Variants in EPHA3 observed in about 807,000 individuals in gnomAD.
EPHA3 encodes the protein EPH receptor A3, also known as ephrin type-A receptor 3.
EPHA3 carries 42 observed loss-of-function variants against 107.1 expected under a neutral mutation model. The ratio of observed to expected loss-of-function variants is 0.39; its 90% CI spans 0.31 to 0.51. The LOEUF (loss-of-function observed/expected upper bound fraction) is 0.51. Ranked by LOEUF, EPHA3 falls within the 20% of genes least tolerant of loss-of-function variation. The pLI is 0.78. For synonymous variants in EPHA3, 461 were observed against 424.8 expected (o/e 1.09, Z -1.05); for missense variants, 1,183 against 1,211.2 (o/e 0.98, Z 0.35).
intron 5 of EPHA3, among the ~76,000 whole-genome samples, chr3:89,371,830 C>T (rs769722419): frequency 3.3e-5 from 5 of 151,432 alleles, no homozygotes; most frequent in Non-Finnish European, 7.4e-5. Flanking sequence ...TCTTTCATAT[C>T]CTAGTCAACA....
At chr3:89,292,306 C>T (rs1354826893) in intron 3 of EPHA3, among the ~76,000 whole-genome samples, 4 of 152,046 alleles carry the variant, frequency 2.6e-5, no homozygotes, top group Non-Finnish European at 5.9e-5. Flanking sequence ...CTACTATTTC[C>T]ATATCATTTA....
At chr3:89,175,502 A>G (rs1705302790) in intron 2 of EPHA3, among the ~76,000 whole-genome samples, 1 of 152,138 alleles carries the variant, frequency 6.6e-6, no homozygotes, top group Admixed American at 6.5e-5. Flanking sequence ...ATTGATAAAC[A>G]TATATATTTT....
intron 5 of EPHA3, among the ~76,000 whole-genome samples, chr3:89,370,105 C>T (rs1253353203): frequency 6.6e-6 from 1 of 150,696 alleles, no homozygotes; most frequent in Non-Finnish European, 1.5e-5. Flanking sequence ...GTGGCGATTC[C>T]TCAGGGATCT....
chr3:89,110,559 G>A (rs748252321), intron 1 of EPHA3, among the ~76,000 whole-genome samples: 1 of 151,868 alleles, frequency 6.6e-6, no homozygotes, highest in Non-Finnish European at 1.5e-5. Context: ...TAATTCCAAT[G>A]ATCACTTGAC....
chr3:89,253,468 C>T (rs1000377810), intron 3 of EPHA3, among the ~76,000 whole-genome samples: 2 of 152,102 alleles, frequency 1.3e-5, no homozygotes, highest in African/African-American at 4.8e-5. Flanking sequence ...AGTCTTTAAG[C>T]ATTAGAGCAC....
At chr3:89,247,010 G>C (rs1705049287) in intron 3 of EPHA3, among the ~76,000 whole-genome samples, 1 of 152,122 alleles carries the variant, frequency 6.6e-6, no homozygotes, top group African/African-American at 2.4e-5. Context: ...TACTGACTCA[G>C]TCTCCTGATA....
chr3:89,344,390 T>C (rs1462209485), intron 5 of EPHA3, among the ~76,000 whole-genome samples: 1 of 152,078 alleles, frequency 6.6e-6, no homozygotes, highest in Non-Finnish European at 1.5e-5. Context: ...CTAGTCTCTC[T>C]CCCATTTAAA....
At chr3:89,121,616 G>A (rs1237412065) in intron 1 of EPHA3, among the ~76,000 whole-genome samples, 1 of 152,192 alleles carries the variant, frequency 6.6e-6, no homozygotes, top group Non-Finnish European at 1.5e-5. Flanking sequence ...AATTAGCTGG[G>A]TGTGGTGGCA....
intron 10 of EPHA3, among the ~76,000 whole-genome samples, chr3:89,415,580 G>A (rs1450006556): frequency 2.0e-5 from 3 of 149,200 alleles, no homozygotes; most frequent in African/African-American, 7.4e-5. Flanking sequence ...ACTATAGAAA[G>A]AATTATACTT....
chr3:89,379,603 G>T (rs1393011493), intron 5 of EPHA3, among the ~76,000 whole-genome samples: 1 of 151,954 alleles, frequency 6.6e-6, no homozygotes. Flanking sequence ...ATATTTTTAG[G>T]TGATTGCTTC....
intron 5 of EPHA3, among the ~76,000 whole-genome samples, chr3:89,380,532 C>T (rs1291338009): frequency 6.6e-6 from 1 of 152,060 alleles, no homozygotes; most frequent in Non-Finnish European, 1.5e-5. Flanking sequence ...CTTACTTATA[C>T]GAATGAAAGG....
chr3:89,355,766 C>T (rs531639853), intron 5 of EPHA3, among the ~76,000 whole-genome samples: 4 of 149,272 alleles, frequency 2.7e-5, no homozygotes, highest in African/African-American at 7.3e-5. Context: ...CAGATCTTCC[C>T]GTGTCTGGGG....
chr3:89,422,244 G>A (rs1709365989), intron 11 of EPHA3, among the ~76,000 whole-genome samples: 1 of 147,900 alleles, frequency 6.8e-6, no homozygotes, highest in African/African-American at 2.5e-5. Context: ...GAGCGATTGT[G>A]TTTCCAAAAG....
At chr3:89,141,136 A>G (rs374299376) in intron 2 of EPHA3, among the ~76,000 whole-genome samples, 10 of 151,636 alleles carry the variant, frequency 6.6e-5, no homozygotes, top group African/African-American at 2.2e-4. Context: ...TTTATACTAC[A>G]TATGGTAAGA....
chr3:89,298,717 A>G (rs1343400044), intron 3 of EPHA3, among the ~76,000 whole-genome samples: 1 of 152,170 alleles, frequency 6.6e-6, no homozygotes, highest in South Asian at 2.1e-4. Flanking sequence ...ATAAAATCCT[A>G]TAAAATAGTT....
At chr3:89,305,522 C>T (rs367575778) in intron 3 of EPHA3, among the ~76,000 whole-genome samples, 6 of 152,100 alleles carry the variant, frequency 3.9e-5, no homozygotes, top group South Asian at 2.1e-4. Context: ...CTTAGTGTTA[C>T]TATATTCTTA....
At chr3:89,129,596 T>A (rs1704160007) in intron 2 of EPHA3, among the ~76,000 whole-genome samples, 2 of 139,058 alleles carry the variant, frequency 1.4e-5, no homozygotes, top group Admixed American at 1.4e-4. Context: ...TAGAAAACAT[T>A]AGATTGTTTT....
At chr3:89,383,415 T>A (rs1708548954) in intron 5 of EPHA3, among the ~76,000 whole-genome samples, 1 of 152,126 alleles carries the variant, frequency 6.6e-6, no homozygotes, top group African/African-American at 2.4e-5. Flanking sequence ...ATATTTAAGT[T>A]ACATCTCTCA....
chr3:89,444,886 A>G (rs1194433741), intron 13 of EPHA3, among the ~76,000 whole-genome samples: 1 of 152,166 alleles, frequency 6.6e-6, no homozygotes, highest in African/African-American at 2.4e-5. Context: ...AATCCGTCTA[A>G]TAAGCTACCT....
Sources: gnomAD v4.1 joint callset for allele counts (sites outside exome capture counted in the v4.1 genomes callset) on GRCh38, gnomAD v4.1.1 for gene constraint, MANE v1.5 for transcripts, NCBI Gene and HGNC (gene_info 2026-07-23, HGNC 2026-07-21) for gene names.